CELF5: variants seen among roughly 807,000 people sequenced by gnomAD.
CELF5 encodes CUG-BP and ETR-3 like factor 5.
In CELF5, 6 loss-of-function variants were observed where a neutral mutation model predicts 54.9. The observed-to-expected ratio is 0.11, with a 90% CI of 0.06 to 0.22. CELF5 has a LOEUF of 0.22. Ranked by LOEUF, CELF5 falls within the 10% of genes least tolerant of loss-of-function variation. The pLI, the probability that CELF5 is intolerant of heterozygous loss-of-function variation, is 1.00. For synonymous variants in CELF5, 271 were observed against 290.9 expected, an observed-to-expected ratio of 0.93 and a Z score of 0.70; for missense variants, 401 against 678.6, an observed-to-expected ratio of 0.59 and a Z score of 4.54.
At chr19:3,272,190 A>G (rs1378733140) in intron 2 of CELF5, among the ~76,000 whole-genome samples, 1 of 151,828 alleles carries the variant, frequency 6.6e-6, no homozygotes. Context: ...ACATGGTGAA[A>G]CCCCATCTCT....
chr19:3,272,568 C>T (rs960630314), intron 2 of CELF5, among the ~76,000 whole-genome samples: 15 of 152,156 alleles, frequency 9.9e-5, no homozygotes, highest in Admixed American at 9.8e-4. Flanking sequence ...TTCCAGACGC[C>T]TTTCTGTGTT....
intron 2 of CELF5, among the ~76,000 whole-genome samples, chr19:3,257,921 T>A (rs2079754308): frequency 6.6e-6 from 1 of 151,572 alleles, no homozygotes; most frequent in African/African-American, 2.4e-5. Flanking sequence ...CACCTCAGCC[T>A]CCCAGGTAGC....
chr19:3,266,243 G>A (rs1040893872), intron 2 of CELF5, among the ~76,000 whole-genome samples: 3 of 152,050 alleles, frequency 2.0e-5, no homozygotes, highest in Admixed American at 6.6e-5. Context: ...AACGGTAAAC[G>A]GACATGGCAC....
intron 1 of CELF5, among the ~76,000 whole-genome samples, chr19:3,245,305 G>A (rs1296907100): frequency 6.7e-6 from 1 of 149,148 alleles, no homozygotes; most frequent in Non-Finnish European, 1.5e-5. Context: ...GCATCTGTGT[G>A]TGTGTGGTGT....
intron 2 of CELF5, among the ~76,000 whole-genome samples, chr19:3,262,649 G>T (rs987153443): frequency 1.3e-5 from 2 of 152,058 alleles, no homozygotes; most frequent in Non-Finnish European, 2.9e-5. Flanking sequence ...AGAAAGGCAA[G>T]ATTTAAATTT....
chr19:3,267,396 C>A (rs938975302), intron 2 of CELF5, among the ~76,000 whole-genome samples: 1 of 152,216 alleles, frequency 6.6e-6, no homozygotes, highest in African/African-American at 2.4e-5. Flanking sequence ...AACAGAATCC[C>A]AGAATAGATC....
chr19:3,244,545 T>A (rs2079535632), intron 1 of CELF5, among the ~76,000 whole-genome samples: 1 of 149,956 alleles, frequency 6.7e-6, no homozygotes, highest in Non-Finnish European at 1.5e-5. Flanking sequence ...GTGTAGTGTG[T>A]TTTGCATGCA....
chr19:3,249,980 T>A (rs1000968015), intron 1 of CELF5, among the ~76,000 whole-genome samples: 1 of 151,948 alleles, frequency 6.6e-6, no homozygotes, highest in Non-Finnish European at 1.5e-5. Context: ...GCTCAGCCAC[T>A]GACTTTGTTA....
At chr19:3,256,523 C>T (rs10422137) in intron 2 of CELF5, among the ~76,000 whole-genome samples, 29,382 of 149,420 alleles carry the variant, frequency 0.2, 3,303 homozygotes, top group East Asian at 0.53. Context: ...TGACTCAGGA[C>T]GGAGGTTTCA....
chr19:3,291,423 G>A (rs112701850), intron 11 of CELF5, among the ~76,000 whole-genome samples: 6 of 151,886 alleles, frequency 4.0e-5, no homozygotes, highest in Middle Eastern at 3.4e-3. Context: ...AAAATTAGCC[G>A]GGCATGGTGG....
chr19:3,274,941 TTTCTC>T (rs953607066), intron 3 of CELF5, among the ~76,000 whole-genome samples: 4 of 151,988 alleles, frequency 2.6e-5, no homozygotes, highest in South Asian at 2.1e-4. Context: ...CCTTCTCCTT[TTTCTC>T]TTCTCTTGTC....
At position 3,278,207 on chromosome 19, in the gene CELF5, C is replaced by A. The variant is rs1599465088; in HGVS notation, c.603+97C>A. On this transcript the variant is annotated intron_variant, in intron 5 of 12. Transcript: ENST00000292672. The surrounding 1 kb of genome is among the most constrained non-coding windows in gnomAD (Gnocchi z 4.5). The stretch of plus-strand genomic sequence containing the variant: ...CCATATTCCTACCGTCGCTGTCATC[C>A]GGTAGCCCCTGGCTGTCCTTCAGAG... 1.1e-6 allele frequency: 1 copy of A among 896,760 alleles called. No individual in the cohort carries two copies. The highest frequency in any genetic ancestry group is 1.5e-5 in the South Asian group (1 of 64,762). The allele number at this position is 896,760 out of a possible 1,614,324, so 55.6% of individuals were successfully genotyped here.
chr19:3,266,680 G>C (rs1329136181), intron 2 of CELF5, among the ~76,000 whole-genome samples: 1 of 152,236 alleles, frequency 6.6e-6, no homozygotes, highest in African/African-American at 2.4e-5. Flanking sequence ...AGCCTCTGTG[G>C]CTAACACCCA....
chr19:3,240,401 C>G (rs1019350389), intron 1 of CELF5, among the ~76,000 whole-genome samples: 2 of 151,940 alleles, frequency 1.3e-5, no homozygotes, highest in Non-Finnish European at 2.9e-5. Context: ...TCTCAACTCA[C>G]TGCAACCTCT....
At chr19:3,230,401 AAC>A (rs1419561390) in intron 1 of CELF5, among the ~76,000 whole-genome samples, 1 of 152,204 alleles carries the variant, frequency 6.6e-6, no homozygotes, top group Non-Finnish European at 1.5e-5. Flanking sequence ...ATGGGCATGA[AAC>A]ACAGCAGTGA....
intron 2 of CELF5, among the ~76,000 whole-genome samples, chr19:3,251,652 C>CTTTTTTTTTTTTTTTT (rs1195812856): frequency 2.7e-4 from 18 of 67,098 alleles, no homozygotes; most frequent in Non-Finnish European, 2.9e-4. Context: ...ACAAGGGCTT[C>CTTTTTTTTTTTTTTTT]TTTTTTTTTT....
At chr19:3,227,256 C>G (rs1916977349) in intron 1 of CELF5, among the ~76,000 whole-genome samples, 2 of 152,166 alleles carry the variant, frequency 1.3e-5, no homozygotes, top group African/African-American at 2.4e-5. Flanking sequence ...GCGTTTGGGG[C>G]TCAGCTGTGT....
intron 10 of CELF5, among the ~76,000 whole-genome samples, chr19:3,287,345 A>C (rs2080269651): frequency 6.6e-6 from 1 of 151,312 alleles, no homozygotes; most frequent in Non-Finnish European, 1.5e-5. Flanking sequence ...GAATTGCCTG[A>C]GCTCAGGAGT....
chr19:3,284,929 T>G lies in CELF5; in HGVS notation c.1067T>G (p.Leu356Arg). 6.2e-7 allele frequency: 1 copy of G among 1,612,814 alleles called. No individual in the cohort carries two copies. Residue 356 changes from leucine (L) to arginine (R), a missense_variant, in exon 9 of 13, where the codon CTG (leucine) becomes CGG (arginine). Leu to Arg is a moderately radical substitution (Grantham distance 102). This residue lies in a region of CELF5 where 143 missense variants were observed against 147.6 expected (regional missense o/e 0.97). Coordinates refer to ENST00000292672, the MANE Select transcript of CELF5 (RefSeq NM_021938.4). ...PAQSPTVAETLHPAFSGVQQY... is the reference protein window; with the variant it reads ...PAQSPTVAETRHPAFSGVQQY... ...CAGAGCCCGACTGTGGCCGAGACAC[T>G]GCATCCTGCCTTCTCCGGAGTCCAG...
Sources: allele counts gnomAD v4.1 joint callset (sites outside exome capture counted in the v4.1 genomes callset), GRCh38; gene constraint gnomAD v4.1.1; regional missense constraint gnomAD v4.1.1; non-coding constraint Gnocchi (gnomAD v3.1); transcripts MANE v1.5; gene names NCBI Gene and HGNC (gene_info 2026-07-23, HGNC 2026-07-21).